Variants in DEPTOR observed in about 807,000 individuals in gnomAD.
The protein encoded by DEPTOR is DEP domain-containing mTOR-interacting protein.
DEPTOR carries 41 observed loss-of-function variants against 41.6 expected under a neutral mutation model. The ratio of observed to expected loss-of-function variants is 0.98; its 90% confidence interval spans 0.77 to 1.28. DEPTOR has a LOEUF of 1.28. Ranked by LOEUF, DEPTOR falls within the 50% of genes most tolerant of loss-of-function variation. The pLI, the probability that DEPTOR is intolerant of heterozygous loss-of-function variation, is 0.00. For synonymous variants in DEPTOR, 195 were observed against 192.3 expected (o/e 1.01, Z -0.12); for missense variants, 514 against 527.9 (o/e 0.97, Z 0.26).
rs541847550 is a variant in DEPTOR, at chr8:119,969,477, C to G, written c.604+4067C>G. ...TCAAGCAATTCTCTTGCCTCAGCCT[C>G]CCGAGTAGCTGGGATTACAGGCATG... On this transcript the variant is annotated intron_variant, in intron 4 of 8. Transcript: ENST00000286234. Among the ~76,000 whole-genome samples the G allele has an allele frequency of 2.4e-4, 37 of 151,910 alleles. 1 individual carries two copies. In the South Asian group the frequency reaches 7.1e-3, roughly 29 times the overall value.
chr8:119,890,279 T>TTTTG (rs139843525), intron 1 of DEPTOR, among the ~76,000 whole-genome samples: 72,008 of 149,682 alleles, frequency 0.48, 18,942 homozygotes, highest in East Asian at 0.91. Context: ...ATATGAGTTT[T>TTTTG]TTTGTTTGTT....
intron 3 of DEPTOR, among the ~76,000 whole-genome samples, chr8:119,953,801 CTT>C (rs35043841): frequency 0.16 from 19,219 of 119,760 alleles, 1,649 homozygotes; most frequent in Middle Eastern, 0.23. Context: ...CAGATAGCTT[CTT>C]TTTTTTTTTT....
intron 3 of DEPTOR, among the ~76,000 whole-genome samples, chr8:119,944,777 C>T (rs1828250420): frequency 6.6e-6 from 1 of 151,822 alleles, no homozygotes; most frequent in African/African-American, 2.4e-5. Flanking sequence ...GCCTCAGCCT[C>T]CTGAGTAGCT....
At chr8:120,014,492 T>C (rs907586759) in intron 8 of DEPTOR, among the ~76,000 whole-genome samples, 2 of 152,198 alleles carry the variant, frequency 1.3e-5, no homozygotes, top group African/African-American at 4.8e-5. Context: ...TCTTTGCTGC[T>C]ACTTTGAAAG....
At chr8:119,982,192 A>G (rs927327762) in intron 4 of DEPTOR, among the ~76,000 whole-genome samples, 5 of 152,124 alleles carry the variant, frequency 3.3e-5, no homozygotes, top group South Asian at 2.1e-4. Flanking sequence ...AAAAGAATAC[A>G]GTATCGTAAT....
chr8:119,934,197 C>T (rs1205782652), intron 3 of DEPTOR, among the ~76,000 whole-genome samples: 1 of 152,138 alleles, frequency 6.6e-6, no homozygotes, highest in Admixed American at 6.5e-5. Flanking sequence ...CCCTGGCTTT[C>T]TAACCCATAG....
At position 120,050,114 on chromosome 8, in the gene DEPTOR, C is replaced by T. The variant is rs1455399029; in HGVS notation, c.*410C>T. On this transcript the variant is annotated 3_prime_UTR_variant, in exon 9 of 9. Transcript: ENST00000286234. ...TAAATTGTACTTTCTCCAAAATTAGCATGCAGCTATTTAATAGGGAATCTA... is the reference window on the plus strand; with the variant it reads ...TAAATTGTACTTTCTCCAAAATTAGTATGCAGCTATTTAATAGGGAATCTA... 6.5e-6 allele frequency: 1 copy of T among 154,148 alleles called. No individual in the cohort carries two copies. 9.5% of individuals were successfully genotyped at this position (154,148 alleles called of 1,614,324 possible).
At chr8:119,896,401 A>C (rs1416735442) in intron 1 of DEPTOR, among the ~76,000 whole-genome samples, 1 of 152,172 alleles carries the variant, frequency 6.6e-6, no homozygotes, top group Non-Finnish European at 1.5e-5. Context: ...CTCAGCCCTA[A>C]GCTGTTGGAG....
At chr8:119,933,031 A>C (rs951727543) in intron 3 of DEPTOR, among the ~76,000 whole-genome samples, 5 of 152,082 alleles carry the variant, frequency 3.3e-5, no homozygotes, top group African/African-American at 1.2e-4. Context: ...AAACCACAGT[A>C]AGAACTGGTG....
In DEPTOR at chr8:120,010,215, G is replaced by A. The variant is rs200680561; in HGVS notation, c.1101+1082G>A. ...CCGTTGTTTTATGGATTAAATGTGT[G>A]GAAACCTTGATAAAGTACAAAGAGC... On this transcript the variant is annotated intron_variant, in intron 8 of 8. Coordinates refer to ENST00000286234, the MANE Select transcript of DEPTOR (RefSeq NM_022783.4). Among the ~76,000 whole-genome samples the A allele has an allele frequency of 1.5e-4, 22 of 148,470 alleles. No homozygotes were observed. The East Asian group carries it at 4.3e-3, about 29-fold the overall frequency.
intron 1 of DEPTOR, among the ~76,000 whole-genome samples, chr8:119,888,009 C>T (rs920451194): frequency 6.6e-6 from 1 of 152,032 alleles, no homozygotes; most frequent in Non-Finnish European, 1.5e-5. Flanking sequence ...TTAGTAGAGT[C>T]GACATCTCAC....
chr8:120,014,630 C>T (rs149566597), intron 8 of DEPTOR, among the ~76,000 whole-genome samples: 5 of 151,950 alleles, frequency 3.3e-5, no homozygotes, highest in East Asian at 1.9e-4. Context: ...CGGGTTCAAG[C>T]GATTCTTCTG....
intron 1 of DEPTOR, among the ~76,000 whole-genome samples, chr8:119,909,288 T>C (rs1330063711): frequency 6.6e-6 from 1 of 152,234 alleles, no homozygotes; most frequent in African/African-American, 2.4e-5. Flanking sequence ...CCAGTTCAAA[T>C]GACAGCTGTC....
chr8:120,033,620 G>A (rs748049879), intron 8 of DEPTOR, among the ~76,000 whole-genome samples: 4 of 152,136 alleles, frequency 2.6e-5, no homozygotes, highest in Admixed American at 6.5e-5. Context: ...CCAGAGGTTA[G>A]ATGTTCTCTA....
chr8:119,950,452 G>C (rs1828337488), intron 3 of DEPTOR, among the ~76,000 whole-genome samples: 1 of 151,928 alleles, frequency 6.6e-6, no homozygotes, highest in Non-Finnish European at 1.5e-5. Flanking sequence ...GTCTTGCTCT[G>C]TTGCCCAGGC....
intron 4 of DEPTOR, 27 bp from the exon 5 acceptor site, chr8:120,001,498 A>G (rs1586652730): frequency 6.4e-7 from 1 of 1,572,826 alleles, no homozygotes; most frequent in Non-Finnish European, 8.6e-7. Flanking sequence ...GATAGTCCTC[A>G]TTGGTTGTTT....
chr8:119,970,781 GGA>G (rs1181519283), intron 4 of DEPTOR, among the ~76,000 whole-genome samples: 1 of 152,164 alleles, frequency 6.6e-6, no homozygotes, highest in East Asian at 1.9e-4. Flanking sequence ...CACATCGGGT[GGA>G]GTGTGGAGAA....
At chr8:120,021,808 A>G (rs1812720657) in intron 8 of DEPTOR, among the ~76,000 whole-genome samples, 1 of 152,214 alleles carries the variant, frequency 6.6e-6, no homozygotes. Flanking sequence ...CATGTGATGG[A>G]CACTCAGTGA....
chr8:119,885,261 T>G (rs7387694), intron 1 of DEPTOR, among the ~76,000 whole-genome samples: 75,320 of 151,992 alleles, frequency 0.5, 20,382 homozygotes, highest in East Asian at 0.92. Context: ...GTTTATTCCC[T>G]GTAGTGGTAT....
Sources: allele counts gnomAD v4.1 joint callset (sites outside exome capture counted in the v4.1 genomes callset), GRCh38; gene constraint gnomAD v4.1.1; transcripts MANE v1.5; gene names NCBI Gene and HGNC (gene_info 2026-07-23, HGNC 2026-07-21).